Variants in PTPRD observed in about 807,000 individuals in gnomAD.
The protein encoded by PTPRD is protein tyrosine phosphatase receptor type D.
PTPRD carries 34 observed loss-of-function variants against 214.5 expected under a neutral mutation model. That is an observed-to-expected ratio of 0.16 (90% confidence interval 0.12 to 0.21). PTPRD has a LOEUF of 0.21. Ranked by LOEUF, PTPRD falls within the 10% of genes least tolerant of loss-of-function variation. The pLI, the probability that PTPRD is intolerant of heterozygous loss-of-function variation, is 1.00. For synonymous variants in PTPRD, 1,128 were observed against 845.7 expected (o/e 1.33, Z -5.79); for missense variants, 2,545 against 2,398.7 (o/e 1.06, Z -1.27).
intron 7 of PTPRD, among the ~76,000 whole-genome samples, chr9:9,591,863 T>G (rs1049181929): frequency 1.1e-4 from 17 of 152,000 alleles, no homozygotes; most frequent in African/African-American, 4.1e-4. Context: ...ATACAATACA[T>G]TGTCAACTAT....
intron 2 of PTPRD, among the ~76,000 whole-genome samples, chr9:10,465,821 C>T (rs2098989672): frequency 6.6e-6 from 1 of 152,154 alleles, no homozygotes. Context: ...CCTAACATGG[C>T]ATTTATCAGA....
At chr9:9,787,782 T>C (rs2098936451) in intron 5 of PTPRD, among the ~76,000 whole-genome samples, 2 of 151,174 alleles carry the variant, frequency 1.3e-5, no homozygotes, top group Non-Finnish European at 3.0e-5. Flanking sequence ...TTTATTATTA[T>C]TATTATTATT....
intron 5 of PTPRD, among the ~76,000 whole-genome samples, chr9:9,829,040 C>T (rs1337082560): frequency 6.6e-6 from 1 of 151,726 alleles, no homozygotes; most frequent in Non-Finnish European, 1.5e-5. Flanking sequence ...CTGATGCATC[C>T]TGATGTTTAA....
chr9:8,317,947 A>G lies in PTPRD; in HGVS notation c.5671-5T>C, dbSNP rs775987994. On this transcript the variant is annotated splice_region_variant and splice_polypyrimidine_tract_variant and intron_variant, in intron 45 of 45. Coordinates refer to ENST00000381196, the MANE Select transcript of PTPRD (RefSeq NM_002839.4). The stretch of plus-strand genomic sequence containing the variant: ...ATAGGAAAACTGATATTGATCCTGC[A>G]GGAGACAATGAATGGGGAGAAGCAA... The G allele has an allele frequency of 3.7e-6, 6 of 1,611,422 alleles. No homozygotes were observed. In the East Asian group the frequency reaches 1.3e-4, roughly 36 times the overall value.
intron 11 of PTPRD, among the ~76,000 whole-genome samples, chr9:8,808,034 T>C (rs1024811934): frequency 1.3e-5 from 2 of 152,226 alleles, no homozygotes; most frequent in Non-Finnish European, 2.9e-5. Context: ...GAAAATGCTA[T>C]GCATTTTGCA....
intron 5 of PTPRD, among the ~76,000 whole-genome samples, chr9:9,800,876 A>G (rs1367774626): frequency 6.6e-6 from 1 of 152,182 alleles, no homozygotes; most frequent in African/African-American, 2.4e-5. Flanking sequence ...AATTTAATAA[A>G]CATTTCTTAA....
chr9:10,120,388 C>T (rs1177779221), intron 3 of PTPRD, among the ~76,000 whole-genome samples: 1 of 151,948 alleles, frequency 6.6e-6, no homozygotes, highest in Non-Finnish European at 1.5e-5. Context: ...TTTTTATCCT[C>T]ACTTCATTGG....
intron 14 of PTPRD, among the ~76,000 whole-genome samples, chr9:8,563,188 A>G (rs1020685096): frequency 1.3e-5 from 2 of 152,178 alleles, no homozygotes; most frequent in African/African-American, 4.8e-5. Flanking sequence ...AAATTAATAT[A>G]TAGTGACAGG....
At chr9:10,120,531 T>C (rs2098766122) in intron 3 of PTPRD, among the ~76,000 whole-genome samples, 1 of 152,052 alleles carries the variant, frequency 6.6e-6, no homozygotes, top group Non-Finnish European at 1.5e-5. Context: ...TCAATCATAA[T>C]ATCAGTGCAC....
intron 5 of PTPRD, among the ~76,000 whole-genome samples, chr9:9,880,665 T>A (rs2068388630): frequency 6.6e-6 from 1 of 152,154 alleles, no homozygotes; most frequent in Non-Finnish European, 1.5e-5. Context: ...ATAAGCAGTG[T>A]TTTATACACA....
chr9:9,699,446 T>C (rs77773977), intron 7 of PTPRD, among the ~76,000 whole-genome samples: 2 of 152,178 alleles, frequency 1.3e-5, no homozygotes, highest in Non-Finnish European at 2.9e-5. Flanking sequence ...GCCTGAATTG[T>C]AATATTAGGG....
At chr9:9,774,614 T>C (rs1045718214) in intron 5 of PTPRD, among the ~76,000 whole-genome samples, 2 of 152,188 alleles carry the variant, frequency 1.3e-5, no homozygotes, top group African/African-American at 4.8e-5. Context: ...TCTTTCTATA[T>C]ATGAGCTACT....
intron 9 of PTPRD, among the ~76,000 whole-genome samples, chr9:9,208,428 TAAG>T (rs2099946390): frequency 6.6e-6 from 1 of 152,042 alleles, no homozygotes; most frequent in Non-Finnish European, 1.5e-5. Context: ...AAATGAAAGT[TAAG>T]ATCTATCTTC....
chr9:10,151,006 A>G (rs951593569), intron 3 of PTPRD, among the ~76,000 whole-genome samples: 1 of 151,580 alleles, frequency 6.6e-6, no homozygotes, highest in Non-Finnish European at 1.5e-5. Flanking sequence ...TGGATATAAA[A>G]TAAGTATAAT....
rs60850678 is a variant in PTPRD at position 8,496,211 on chromosome 9, AAC to A, written c.2349+1029_2349+1030del. ...ACACACACACACACACACACACACAAACACACACACACACACACACTTTTTCA... is the reference window on the plus strand; with the variant it reads ...ACACACACACACACACACACACACAAACACACACACACACACACTTTTTCA... On this transcript the variant is annotated intron_variant, in intron 26 of 45. Transcript: ENST00000381196. Among the ~76,000 whole-genome samples the A allele has an allele frequency of 4.3e-3, 391 of 91,454 alleles. 1 individual carries two copies. The highest frequency in any genetic ancestry group is 9.6e-3 in the African/African-American group (264 of 27,602). 60.0% of individuals were successfully genotyped at this position (91,454 alleles called of 152,430 possible). A position where few individuals can be genotyped will look rare whatever the true frequency, so the allele number is the denominator to read the frequency against.
At chr9:10,453,033 AT>A (rs1399114055) in intron 2 of PTPRD, among the ~76,000 whole-genome samples, 2 of 151,558 alleles carry the variant, frequency 1.3e-5, no homozygotes, top group Non-Finnish European at 3.0e-5. Context: ...ATTTGTTTGT[AT>A]GTGAATATAT....
At chr9:8,846,057 C>T (rs2154538778) in intron 11 of PTPRD, among the ~76,000 whole-genome samples, 1 of 152,246 alleles carries the variant, frequency 6.6e-6, no homozygotes, top group African/African-American at 2.4e-5. Flanking sequence ...CTACCACAGC[C>T]AGATGTAAAG....
intron 45 of PTPRD, among the ~76,000 whole-genome samples, chr9:8,319,061 C>A (rs982642335): frequency 6.6e-6 from 1 of 152,178 alleles, no homozygotes; most frequent in African/African-American, 2.4e-5. Context: ...CCCTCTGTAA[C>A]CCCTAAGACC....
intron 12 of PTPRD, among the ~76,000 whole-genome samples, chr9:8,664,458 G>A (rs1156367767): frequency 1.3e-5 from 2 of 152,110 alleles, no homozygotes; most frequent in Non-Finnish European, 2.9e-5. Context: ...CAAATACAAG[G>A]CAAGCACCCA....
Sources: allele counts gnomAD v4.1 joint callset (sites outside exome capture counted in the v4.1 genomes callset), GRCh38; gene constraint gnomAD v4.1.1; transcripts MANE v1.5; gene names NCBI Gene and HGNC (gene_info 2026-07-23, HGNC 2026-07-21).